GDPD3: variants seen among roughly 807,000 people sequenced by gnomAD.
GDPD3 encodes glycerophosphodiester phosphodiesterase domain containing 3.
GDPD3 carries 40 observed loss-of-function variants against 43.7 expected under a neutral mutation model. That is an observed-to-expected ratio of 0.91 (90% CI 0.71 to 1.19). The LOEUF is 1.19. GDPD3 is among the 50% of genes most tolerant of loss of function. GDPD3 has a pLI of 0.00. For missense variants in GDPD3, 363 were observed against 415.8 expected, an observed-to-expected ratio of 0.87 and a Z score of 1.11; for synonymous variants, 145 against 162.9, an observed-to-expected ratio of 0.89 and a Z score of 0.84.
rs200117011 is a variant in GDPD3 at position 30,108,224 on chromosome 16, G to A, written c.808C>T (p.Arg270Ter). 29 of 1,603,292 alleles carry A rather than the reference G, an allele frequency of 1.8e-5. No homozygotes were observed. The highest frequency in any genetic ancestry group is 5.4e-5 in the African/African-American group (4 of 74,632). Reference sequence around the variant, plus strand: ...GGTCACGGCCTCACCTGCACCCCTCGCTCCTCCAAGTGTCGGATCAGACTC... The same window carrying A: ...GGTCACGGCCTCACCTGCACCCCTCACTCCTCCAAGTGTCGGATCAGACTC... Reference protein sequence around the residue: ...RKSLIRHLEERGVQVVFWCLN... With the variant: ...RKSLIRHLEE The change falls in exon 9 of 10, where the codon CGA becomes TGA. Residue 270 changes from arginine (R) to a stop codon, truncating the protein, a stop_gained. Coordinates refer to ENST00000406256, the MANE Select transcript of GDPD3 (RefSeq NM_024307.3). LOFTEE classifies it high-confidence loss of function.
chr16:30,112,273 C>T lies in GDPD3; in HGVS notation c.483+33G>A, dbSNP rs762451666. Reference sequence around the variant, plus strand: ...GAGAGCCAGGCCTCTCTCACGCCCCCGGTGGCCGCCCTAGCCCTGCCTGCA... The same window carrying T: ...GAGAGCCAGGCCTCTCTCACGCCCCTGGTGGCCGCCCTAGCCCTGCCTGCA... On this transcript the variant is annotated intron_variant, in intron 5 of 9. Coordinates refer to ENST00000406256, the MANE Select transcript of GDPD3 (RefSeq NM_024307.3). The surrounding 1 kb of genome is among the most constrained non-coding windows in gnomAD (Gnocchi z 5.4). 19 of 1,612,996 alleles carry T rather than the reference C, an allele frequency of 1.2e-5. No homozygotes were observed. Among genetic ancestry groups the T allele is most frequent in the South Asian group, 3.3e-5 (3 of 91,076 alleles).
intron 9 of GDPD3, 87 bp downstream of exon 9, chr16:30,108,126 C>T (rs900167232): frequency 1.6e-5 from 19 of 1,219,176 alleles, no homozygotes; most frequent in East Asian, 4.8e-5. Context: ...GTCACCTGCC[C>T]GAGTGATGCA....
chr16:30,113,524 C>G lies in GDPD3; in HGVS notation c.-46G>C, dbSNP rs751303893. ...TCCTGCAGCCACACGCTCAGCCGTC[C>G]GCGGGACTGTGCTGCCTGCCTAGCC... On this transcript the variant is annotated 5_prime_UTR_variant, in exon 1 of 10. Coordinates refer to ENST00000406256, the MANE Select transcript of GDPD3 (RefSeq NM_024307.3). The surrounding 1 kb of genome is among the most constrained non-coding windows in gnomAD (Gnocchi z 5.9). The G allele has an allele frequency of 6.7e-7, 1 of 1,496,866 alleles. No homozygotes were observed. Among genetic ancestry groups the G allele is most frequent in the Non-Finnish European group, 9.0e-7 (1 of 1,114,616 alleles). 92.7% of individuals were successfully genotyped at this position (1,496,866 alleles called of 1,614,324 possible). A position where few individuals can be genotyped will look rare whatever the true frequency, so the allele number is the denominator to read the frequency against.
chr16:30,111,873 C>T, intron 6 of GDPD3: 1 of 558,540 alleles, frequency 1.8e-6, no homozygotes, highest in Non-Finnish European at 3.2e-6. Flanking sequence ...GCAGAGGTTG[C>T]AGTGAGCCGA....
At chr16:30,107,057 C>G in intron 9 of GDPD3, among the ~76,000 whole-genome samples, 1 of 151,654 alleles carries the variant, frequency 6.6e-6, no homozygotes. Flanking sequence ...TCCTGTTTCC[C>G]TCCCTCTCCT....
In GDPD3 at chr16:30,112,258, C is replaced by A. The variant is rs370096628; in HGVS notation, c.484-37G>T. 2 of 1,611,374 alleles carry A rather than the reference C, an allele frequency of 1.2e-6. No individual in the cohort carries two copies. Among genetic ancestry groups the A allele is most frequent in the Non-Finnish European group, 1.7e-6 (2 of 1,177,442 alleles). On this transcript the variant is annotated intron_variant, in intron 5 of 9. Coordinates refer to ENST00000406256, the MANE Select transcript of GDPD3 (RefSeq NM_024307.3). This position sits in a 1 kb window ranked among gnomAD's most constrained non-coding sequence, Gnocchi z 5.4. Reference sequence around the variant, plus strand: ...AGAAGGAGGTGAAGGGAGAGCCAGGCCTCTCTCACGCCCCCGGTGGCCGCC... The same window carrying A: ...AGAAGGAGGTGAAGGGAGAGCCAGGACTCTCTCACGCCCCCGGTGGCCGCC...
At chr16:30,111,163 A>G in intron 7 of GDPD3, 1 of 512,520 alleles carries the variant, frequency 2.0e-6, no homozygotes, top group African/African-American at 1.9e-5. Flanking sequence ...AGATGGCCTG[A>G]GATGGATAAA....
chr16:30,111,821 T>A lies in GDPD3; in HGVS notation c.574-300A>T, dbSNP rs188497627. 121 of 528,082 alleles carry A rather than the reference T, an allele frequency of 2.3e-4. No individual in the cohort carries two copies. The East Asian group carries it at 4.0e-3, about 17-fold the overall frequency. 32.7% of individuals were successfully genotyped at this position (528,082 alleles called of 1,614,324 possible). ...GGTGGCGTGCACCTGTAATCCCAGC[T>A]ACTCGGGAGGCTGAAGCATGAGAAT... On this transcript the variant is annotated intron_variant, in intron 6 of 9. Transcript: ENST00000406256.
At chr16:30,108,321 C>G (rs1555486556) in intron 8 of GDPD3, 52 bp downstream of exon 8, 1 of 1,612,730 alleles carries the variant, frequency 6.2e-7, no homozygotes. Flanking sequence ...GGGAGAAGGG[C>G]AGCAGTAGGT....
At chr16:30,106,077 C>G (rs1214698338) in intron 9 of GDPD3, among the ~76,000 whole-genome samples, 3 of 152,046 alleles carry the variant, frequency 2.0e-5, no homozygotes, top group Non-Finnish European at 2.9e-5. Flanking sequence ...CGCCATTGCA[C>G]TCTAGCCTGG....
intron 6 of GDPD3, chr16:30,111,904 G>T (rs1427625460): frequency 6.9e-6 from 4 of 582,856 alleles, no homozygotes; most frequent in Admixed American, 3.0e-5. Flanking sequence ...CCGCACTCCA[G>T]CCTGGGCGAC....
intron 7 of GDPD3, among the ~76,000 whole-genome samples, chr16:30,109,018 G>C (rs2072880717): frequency 6.6e-6 from 1 of 152,008 alleles, no homozygotes. Flanking sequence ...TTTTAGTAGA[G>C]ACAGGGTTTC....
In GDPD3 at chr16:30,112,220, A is replaced by C; in HGVS notation, c.485T>G (p.Ile162Arg). Residue 162 changes from isoleucine (I) to arginine (R), a missense_variant and splice_region_variant, in exon 6 of 10, where the codon ATA becomes AGA. Ile to Arg is a moderately conservative substitution (Grantham distance 97, BLOSUM62 -3). Coordinates refer to ENST00000406256, the MANE Select transcript of GDPD3 (RefSeq NM_024307.3). This position sits in a 1 kb window ranked among gnomAD's most constrained non-coding sequence, Gnocchi z 5.4. Reference sequence around the variant, plus strand: ...GTCATAGCGTCTCACCAAGCCTGCTATCTGGGAGGAGGAGAAGGAGGTGAA... The same window carrying C: ...GTCATAGCGTCTCACCAAGCCTGCTCTCTGGGAGGAGGAGAAGGAGGTGAA... ...KGKNEELIREIAGLVRRYDRN... is the reference protein window; with the variant it reads ...KGKNEELIRERAGLVRRYDRN... 1 of 1,613,856 alleles carries C rather than the reference A, an allele frequency of 6.2e-7. No individual in the cohort carries two copies. The highest frequency in any genetic ancestry group is 8.5e-7 in the Non-Finnish European group (1 of 1,179,980).
At chr16:30,105,096 C>G (rs2072847116) in intron 9 of GDPD3, 87 bp from the exon 10 acceptor site, 3 of 1,095,646 alleles carry the variant, frequency 2.7e-6, no homozygotes, top group Non-Finnish European at 4.0e-6. Context: ...TGGAGACTCC[C>G]CAGCAGCAGT....
At chr16:30,110,500 G>A (rs2072891326) in intron 7 of GDPD3, 1 of 152,126 alleles carries the variant, frequency 6.6e-6, no homozygotes, top group Non-Finnish European at 1.5e-5. Flanking sequence ...GCAAGGTATT[G>A]TGGGGGCTGA....
chr16:30,112,178 A>T lies in GDPD3; in HGVS notation c.527T>A (p.Ile176Asn). Reference protein sequence around the residue: ...VRRYDRNEITIWASEKSSVMK... With the variant: ...VRRYDRNEITNWASEKSSVMK... Reference sequence around the variant, plus strand: ...GACCGAGCTCTTCTCCGAGGCCCAGATGGTGATTTCATTACGGTCATAGCG... The same window carrying T: ...GACCGAGCTCTTCTCCGAGGCCCAGTTGGTGATTTCATTACGGTCATAGCG... Residue 176 changes from isoleucine (I) to asparagine (N), a missense_variant, in exon 6 of 10, where the codon ATC becomes AAC. By Grantham distance (149) the Ile-to-Asn change is moderately radical (BLOSUM62 -3). Coordinates refer to ENST00000406256, the MANE Select transcript of GDPD3 (RefSeq NM_024307.3). The surrounding 1 kb of genome is among the most constrained non-coding windows in gnomAD (Gnocchi z 5.4). 1 of 1,614,110 alleles carries T rather than the reference A, an allele frequency of 6.2e-7. No homozygotes were observed. Among genetic ancestry groups the T allele is most frequent in the Non-Finnish European group, 8.5e-7 (1 of 1,180,022 alleles).
In GDPD3 at chr16:30,112,410, C is replaced by G; in HGVS notation, c.379G>C (p.Gly127Arg). ...VYFSPGHFAH[G>R]SDRRMVRLED... The stretch of plus-strand genomic sequence containing the variant: ...AGACGAACCATGCGCCGGTCTGACC[C>G]GTGAGCAAAGTGGCCTGGGGGTGGT... The change falls in exon 5 of 10, where the codon GGG becomes CGG. Residue 127 changes from glycine (G) to arginine (R), a missense_variant. Physicochemically the swap from Gly to Arg is moderately radical, Grantham distance 125. Transcript: ENST00000406256. This position sits in a 1 kb window ranked among gnomAD's most constrained non-coding sequence, Gnocchi z 5.4. 6.2e-7 allele frequency: 1 copy of G among 1,614,184 alleles called. No individual in the cohort carries two copies. Among genetic ancestry groups the G allele is most frequent in the Non-Finnish European group, 8.5e-7 (1 of 1,180,018 alleles).
Position 30,112,885 on chromosome 16 carries a change from T to G in GDPD3, c.183-92A>C, listed in dbSNP as rs2072914973. On this transcript the variant is annotated intron_variant, in intron 2 of 9. Coordinates refer to ENST00000406256, the MANE Select transcript of GDPD3 (RefSeq NM_024307.3). The surrounding 1 kb of genome is among the most constrained non-coding windows in gnomAD (Gnocchi z 5.4). ...GGTGGCCGGGAATGTGAGAGCGGAG[T>G]TCGTGGCGGGATGTGCAGGCCACCT... 6.5e-7 allele frequency: 1 copy of G among 1,533,196 alleles called. No individual in the cohort carries two copies. The highest frequency in any genetic ancestry group is 1.7e-5 in the Admixed American group (1 of 58,382). The allele number at this position is 1,533,196 out of a possible 1,614,324, so 95.0% of individuals were successfully genotyped here. A position where few individuals can be genotyped will look rare whatever the true frequency, so the allele number is the denominator to read the frequency against.
In GDPD3 at chr16:30,113,526, C is replaced by A. The variant is rs61764618; in HGVS notation, c.-48G>T. The A allele has an allele frequency of 4.7e-6, 7 of 1,488,898 alleles. No homozygotes were observed. Among genetic ancestry groups the A allele is most frequent in the Non-Finnish European group, 5.4e-6 (6 of 1,110,926 alleles). 92.2% of individuals were successfully genotyped at this position (1,488,898 alleles called of 1,614,324 possible). The stretch of plus-strand genomic sequence containing the variant: ...CTGCAGCCACACGCTCAGCCGTCCG[C>A]GGGACTGTGCTGCCTGCCTAGCCAG... On this transcript the variant is annotated 5_prime_UTR_variant, in exon 1 of 10. Coordinates refer to ENST00000406256, the MANE Select transcript of GDPD3 (RefSeq NM_024307.3). The surrounding 1 kb of genome is among the most constrained non-coding windows in gnomAD (Gnocchi z 5.9).
Sources: gnomAD v4.1 joint callset for allele counts (sites outside exome capture counted in the v4.1 genomes callset) on GRCh38, gnomAD v4.1.1 for gene constraint, Gnocchi (gnomAD v3.1) non-coding constraint, MANE v1.5 for transcripts, NCBI Gene and HGNC (gene_info 2026-07-23, HGNC 2026-07-21) for gene names.